The following CCDC192 variants were observed in gnomAD, a reference collection of about 807,000 sequenced individuals.
The protein encoded by CCDC192 is coiled-coil domain containing 192, also known as coiled-coil domain-containing protein 192.
chr5:127,854,870 A>C (rs1750993766), intron 5 of CCDC192, among the ~76,000 whole-genome samples: 1 of 152,258 alleles, frequency 6.6e-6, no homozygotes, highest in Non-Finnish European at 1.5e-5. Context: ...TACACACTTA[A>C]TAAACTATAG....
At chr5:127,740,599 T>C (rs1753354887) in intron 2 of CCDC192, among the ~76,000 whole-genome samples, 1 of 142,666 alleles carries the variant, frequency 7.0e-6, no homozygotes, top group African/African-American at 3.1e-5. Flanking sequence ...TTGTAATTAA[T>C]TTTTTAAATT....
At chr5:127,903,908 T>C (rs745454621) in intron 6 of CCDC192, among the ~76,000 whole-genome samples, 4 of 152,188 alleles carry the variant, frequency 2.6e-5, no homozygotes, top group Non-Finnish European at 5.9e-5. Context: ...AAGTGGCTGT[T>C]ACAGGTAAAA....
rs752077492 is a variant in CCDC192, at chr5:127,754,250, A to AT, written c.115-5dup. On this transcript the variant is annotated splice_polypyrimidine_tract_variant and intron_variant, in intron 2 of 6. Coordinates refer to ENST00000514853, the MANE Select transcript of CCDC192 (RefSeq NM_001317938.2). ...TATCCATGTCAAAAAGTAATACTTGATTTTTTTTTTTTTAAAGAAAGCGTC... is the reference window on the plus strand; with the variant it reads ...TATCCATGTCAAAAAGTAATACTTGATTTTTTTTTTTTTTAAAGAAAGCGTC... 11,774 of 305,982 alleles carry AT rather than the reference A, an allele frequency of 0.038. 83 individuals carry two copies. The highest frequency in any genetic ancestry group is 0.063 in the African/African-American group (2,819 of 45,082). The allele number at this position is 305,982 out of a possible 1,614,324, so 19.0% of individuals were successfully genotyped here. A position where few individuals can be genotyped will look rare whatever the true frequency, so the allele number is the denominator to read the frequency against.
intron 5 of CCDC192, among the ~76,000 whole-genome samples, chr5:127,838,932 G>A (rs920115296): frequency 2.0e-5 from 3 of 152,274 alleles, no homozygotes; most frequent in African/African-American, 4.8e-5. Context: ...GCCTCTTCCC[G>A]TGAGATTACA....
At chr5:127,929,849 C>T (rs35454950) in intron 6 of CCDC192, among the ~76,000 whole-genome samples, 27,958 of 152,080 alleles carry the variant, frequency 0.18, 2,958 homozygotes, top group Middle Eastern at 0.28. Context: ...CCCTTGTGCA[C>T]CACCAGGAAG....
rs199926480 is a variant in CCDC192 at position 127,869,912 on chromosome 5, GC to G, written c.412-5625del. ...TACTGCAAAGAACTGAAAGGTGTTA[GC>G]TTTGATTTCCAAGATCTGACTCTCT... On this transcript the variant is annotated intron_variant, in intron 5 of 6. Transcript: ENST00000514853. Among the ~76,000 whole-genome samples, 236 of 152,294 alleles carry G rather than the reference GC, an allele frequency of 1.5e-3. 1 individual carries two copies. The highest frequency in any genetic ancestry group is 5.4e-3 in the African/African-American group (225 of 41,558).
intron 6 of CCDC192, among the ~76,000 whole-genome samples, chr5:127,921,756 G>A (rs1340018005): frequency 6.6e-6 from 1 of 152,118 alleles, no homozygotes; most frequent in East Asian, 1.9e-4. Context: ...ACCTCCCCTT[G>A]CTTGTTTTGG....
intron 5 of CCDC192, among the ~76,000 whole-genome samples, chr5:127,854,655 C>A (rs946267352): frequency 6.6e-6 from 1 of 152,124 alleles, no homozygotes; most frequent in African/African-American, 2.4e-5. Context: ...TGACTGAGCA[C>A]CACACTCATA....
intron 3 of CCDC192, among the ~76,000 whole-genome samples, chr5:127,779,627 A>G (rs1040782755): frequency 6.6e-6 from 1 of 152,180 alleles, no homozygotes; most frequent in African/African-American, 2.4e-5. Context: ...CCATCACCCA[A>G]TGCAGAACCC....
chr5:127,846,431 A>G (rs1359293162), intron 5 of CCDC192, among the ~76,000 whole-genome samples: 1 of 152,042 alleles, frequency 6.6e-6, no homozygotes, highest in Non-Finnish European at 1.5e-5. Flanking sequence ...TACGCCCACA[A>G]AAGCATATTA....
intron 6 of CCDC192, among the ~76,000 whole-genome samples, chr5:127,887,328 C>A (rs1337591446): frequency 9.3e-3 from 810 of 86,982 alleles, no homozygotes; most frequent in Middle Eastern, 0.017. Flanking sequence ...GACTCTGTCT[C>A]AAAAAAAAAA....
At chr5:127,751,812 T>A (rs565884590) in intron 2 of CCDC192, among the ~76,000 whole-genome samples, 2 of 152,322 alleles carry the variant, frequency 1.3e-5, no homozygotes, top group African/African-American at 2.4e-5. Flanking sequence ...CTTTACTCAT[T>A]TCTTTGTATT....
chr5:127,724,129 C>T (rs922463988), intron 2 of CCDC192, among the ~76,000 whole-genome samples: 1 of 152,166 alleles, frequency 6.6e-6, no homozygotes, highest in African/African-American at 2.4e-5. Context: ...AAATTTATCA[C>T]TTACCATTTT....
At chr5:127,938,710 A>G (rs1232446239) in intron 6 of CCDC192, among the ~76,000 whole-genome samples, 4 of 152,274 alleles carry the variant, frequency 2.6e-5, no homozygotes, top group Non-Finnish European at 5.9e-5. Flanking sequence ...AACATTTTTT[A>G]AACTAAATCT....
chr5:127,910,509 G>T (rs983122464), intron 6 of CCDC192, among the ~76,000 whole-genome samples: 16 of 152,204 alleles, frequency 1.1e-4, no homozygotes, highest in African/African-American at 2.7e-4. Context: ...GCTTATAAAT[G>T]GTTGGGTGTG....
At chr5:127,717,928 C>CAAAAAAAAAAAAAAAAAAAAAACAAAAA in intron 2 of CCDC192, among the ~76,000 whole-genome samples, 9 of 98,058 alleles carry the variant, frequency 9.2e-5, no homozygotes, top group Non-Finnish European at 1.2e-4. Context: ...TAAAGCTAGA[C>CAAAAAAAAAAAAAAAAAAAAAACAAAAA]AAAAAAAAAA....
intron 5 of CCDC192, among the ~76,000 whole-genome samples, chr5:127,821,602 T>A (rs896313460): frequency 1.3e-5 from 2 of 152,186 alleles, no homozygotes; most frequent in African/African-American, 4.8e-5. Context: ...AAGCTAAGAG[T>A]TTGCCCAGGC....
chr5:127,742,485 G>T (rs917163742), intron 2 of CCDC192, among the ~76,000 whole-genome samples: 1 of 152,140 alleles, frequency 6.6e-6, no homozygotes, highest in Non-Finnish European at 1.5e-5. Context: ...TAGAATACAG[G>T]TGCATCTTGG....
At chr5:127,742,249 G>A (rs1221190814) in intron 2 of CCDC192, among the ~76,000 whole-genome samples, 2 of 152,160 alleles carry the variant, frequency 1.3e-5, no homozygotes, top group African/African-American at 2.4e-5. Flanking sequence ...GCTATCAAAT[G>A]TCACATGGGC....
Sources: allele counts gnomAD v4.1 joint callset (sites outside exome capture counted in the v4.1 genomes callset), GRCh38; gene constraint gnomAD v4.1.1; transcripts MANE v1.5; gene names NCBI Gene and HGNC (gene_info 2026-07-23, HGNC 2026-07-21).